Variants in TMC7 observed in about 807,000 individuals in gnomAD.
The protein encoded by TMC7 is transmembrane channel like 7, also known as transmembrane channel-like protein 7.
In TMC7, 54 loss-of-function variants were observed where a neutral mutation model predicts 82.9. The observed-to-expected ratio is 0.65, with a 90% CI of 0.52 to 0.82. The LOEUF (loss-of-function observed/expected upper bound fraction) is 0.82, where lower values mean the gene tolerates loss of function less well. Ranked by LOEUF, TMC7 falls within the 40% of genes least tolerant of loss-of-function variation. The pLI is 0.00. For synonymous variants in TMC7, 350 were observed against 337.9 expected (o/e 1.04, Z -0.39); for missense variants, 820 against 901.2 (o/e 0.91, Z 1.15).
intron 1 of TMC7, among the ~76,000 whole-genome samples, chr16:18,989,807 C>CG (rs541247197): frequency 9.2e-5 from 14 of 151,604 alleles, no homozygotes; most frequent in African/African-American, 3.1e-4. Context: ...AGAGGCCTCT[C>CG]GGGGGGAGGC....
intron 9 of TMC7, among the ~76,000 whole-genome samples, chr16:19,043,916 C>A (rs1215474544): frequency 6.6e-6 from 1 of 150,986 alleles, no homozygotes; most frequent in African/African-American, 2.4e-5. Context: ...GTCGCCCAGG[C>A]TGGAGTGTAG....
rs1295313171 is a variant in TMC7 at position 19,063,430 on chromosome 16, G to C, written c.*1587G>C. ...TAGCCAGGCATGGTGGCGTGTGCCT[G>C]TAATCCCAGCTACTTGGGAGGCTGA... On this transcript the variant is annotated 3_prime_UTR_variant, in exon 16 of 16. Transcript: ENST00000304381. The C allele has an allele frequency of 6.6e-6, 1 of 152,242 alleles. No individual in the cohort carries two copies. Among genetic ancestry groups the C allele is most frequent in the East Asian group, 1.9e-4 (1 of 5,182 alleles). 9.4% of individuals were successfully genotyped at this position (152,242 alleles called of 1,614,324 possible).
At chr16:19,054,301 T>C (rs1961669064) in intron 13 of TMC7, among the ~76,000 whole-genome samples, 1 of 152,172 alleles carries the variant, frequency 6.6e-6, no homozygotes, top group Admixed American at 6.6e-5. Flanking sequence ...GCCCTTCAAC[T>C]GGATGTCCCA....
At chr16:19,042,361 G>A (rs943993952) in intron 9 of TMC7, among the ~76,000 whole-genome samples, 4 of 152,046 alleles carry the variant, frequency 2.6e-5, no homozygotes, top group African/African-American at 9.7e-5. Context: ...TTTTTGTAGA[G>A]ACAGGATCTC....
intron 1 of TMC7, 63 bp downstream of exon 1, chr16:18,984,193 G>T: frequency 7.0e-7 from 1 of 1,425,080 alleles, no homozygotes; most frequent in Non-Finnish European, 9.1e-7. Flanking sequence ...CACGGAGGGA[G>T]CCGGGTGCTG....
chr16:19,035,265 G>A (rs947968220), intron 6 of TMC7, among the ~76,000 whole-genome samples: 3 of 152,096 alleles, frequency 2.0e-5, no homozygotes, highest in Non-Finnish European at 2.9e-5. Context: ...AAGAAACTGA[G>A]GAATCCTAGA....
intron 6 of TMC7, among the ~76,000 whole-genome samples, chr16:19,034,667 C>T (rs1960665330): frequency 6.6e-6 from 1 of 151,568 alleles, no homozygotes; most frequent in South Asian, 2.1e-4. Context: ...GGGGTTATAG[C>T]CTTAGATGGG....
chr16:19,052,151 C>G (rs1961568786), intron 13 of TMC7, among the ~76,000 whole-genome samples: 1 of 152,104 alleles, frequency 6.6e-6, no homozygotes, highest in South Asian at 2.1e-4. Flanking sequence ...AGGCTGGTCT[C>G]AAACTCCTGA....
chr16:19,013,706 A>G (rs1181721732), intron 2 of TMC7, among the ~76,000 whole-genome samples: 2 of 151,390 alleles, frequency 1.3e-5, no homozygotes, highest in African/African-American at 4.9e-5. Context: ...TTTGGTAGAG[A>G]CGGGGTTTCA....
chr16:19,059,428 T>G lies in TMC7; in HGVS notation c.2040T>G (p.Phe680Leu). Residue 680 changes from phenylalanine (F) to leucine (L), a missense_variant, in exon 15 of 16, where the codon TTT (phenylalanine) becomes TTG (leucine). Physicochemically the swap from Phe to Leu is conservative, Grantham distance 22. This residue lies in a region of TMC7 where 170 missense variants were observed against 231.3 expected (regional missense o/e 0.74). Coordinates refer to ENST00000304381, the MANE Select transcript of TMC7 (RefSeq NM_024847.4). ...TCTTGTGTTGCAGCCTCATCATGTT[T>G]TACTTCATTGCCTTAGCTGGAGCAC... Reference protein sequence around the residue: ...PFFMIICLIMFYFIALAGAHK... With the variant: ...PFFMIICLIMLYFIALAGAHK... The G allele has an allele frequency of 6.2e-7, 1 of 1,613,882 alleles. No individual in the cohort carries two copies. Among genetic ancestry groups the G allele is most frequent in the South Asian group, 1.1e-5 (1 of 91,064 alleles).
Position 19,061,798 on chromosome 16 carries a change from C to A in TMC7, c.2127C>A (p.Tyr709Ter), listed in dbSNP as rs143244351. Residue 709 changes from tyrosine to a stop codon, truncating the protein, a stop_gained, in exon 16 of 16, where the codon TAC becomes TAA. Coordinates refer to ENST00000304381, the MANE Select transcript of TMC7 (RefSeq NM_024847.4). LOFTEE classifies it high-confidence loss of function. ...QLSLESRDKC[Y>*]LIQKLTEAQR... ...TTTAGGAAAGTCGTGACAAGTGCTA[C>A]CTAATCCAGAAACTAACAGAAGCCC... 4,683 of 1,613,692 alleles carry A rather than the reference C, an allele frequency of 2.9e-3. 14 individuals carry two copies. Among genetic ancestry groups the A allele is most frequent in the Non-Finnish European group, 3.4e-3 (4,041 of 1,179,776 alleles).
chr16:19,044,377 G>C (rs765770472), intron 9 of TMC7, among the ~76,000 whole-genome samples: 14 of 151,832 alleles, frequency 9.2e-5, no homozygotes, highest in Non-Finnish European at 1.6e-4. Context: ...AGACGGCCAG[G>C]GGGTGGTGGT....
intron 2 of TMC7, among the ~76,000 whole-genome samples, chr16:19,010,450 G>A (rs186111625): frequency 6.6e-6 from 1 of 152,222 alleles, no homozygotes; most frequent in Non-Finnish European, 1.5e-5. Context: ...TACCGTGCCT[G>A]GCAGAAGTTT....
intron 14 of TMC7, among the ~76,000 whole-genome samples, chr16:19,057,687 G>T (rs1163591446): frequency 1.3e-5 from 2 of 152,262 alleles, no homozygotes; most frequent in African/African-American, 4.8e-5. Flanking sequence ...TCTCTGATCT[G>T]ACTTAAGTAT....
intron 12 of TMC7, among the ~76,000 whole-genome samples, chr16:19,050,463 C>A (rs2142300260): frequency 1.3e-5 from 2 of 151,596 alleles, no homozygotes; most frequent in Middle Eastern, 6.8e-3. Context: ...TTCACAGTGC[C>A]ACATGGGGAT....
At chr16:18,997,479 C>T (rs950465475) in intron 1 of TMC7, among the ~76,000 whole-genome samples, 5 of 152,098 alleles carry the variant, frequency 3.3e-5, no homozygotes, top group Non-Finnish European at 7.4e-5. Context: ...AAGCGATTCT[C>T]CTGCCTTAGC....
chr16:19,028,523 A>T (rs1255915666), intron 5 of TMC7, among the ~76,000 whole-genome samples: 3 of 152,192 alleles, frequency 2.0e-5, no homozygotes, highest in African/African-American at 7.2e-5. Context: ...CAGTTTTTCT[A>T]TAAGGAAGCC....
At chr16:19,008,587 A>T (rs2039280999) in intron 1 of TMC7, among the ~76,000 whole-genome samples, 1 of 152,192 alleles carries the variant, frequency 6.6e-6, no homozygotes, top group African/African-American at 2.4e-5. Flanking sequence ...GGCTGGGCTT[A>T]GAACTGGCCC....
intron 1 of TMC7, among the ~76,000 whole-genome samples, chr16:18,991,028 A>G (rs1442986904): frequency 6.6e-6 from 1 of 152,194 alleles, no homozygotes; most frequent in Non-Finnish European, 1.5e-5. Flanking sequence ...AAATAGTGGT[A>G]AAGTGTCTGG....
Sources: allele counts gnomAD v4.1 joint callset (sites outside exome capture counted in the v4.1 genomes callset), GRCh38; gene constraint gnomAD v4.1.1; regional missense constraint gnomAD v4.1.1; transcripts MANE v1.5; gene names NCBI Gene and HGNC (gene_info 2026-07-23, HGNC 2026-07-21).